PTPRG: variants seen among roughly 807,000 people sequenced by gnomAD.
PTPRG encodes the protein protein tyrosine phosphatase receptor type G.
PTPRG carries 102 observed loss-of-function variants against 165.3 expected under a neutral mutation model. The observed-to-expected ratio is 0.62, with a 90% CI of 0.53 to 0.73. PTPRG has a LOEUF of 0.73. PTPRG is among the 30% of genes least tolerant of loss of function. PTPRG has a pLI of 0.00. For missense variants in PTPRG, 1,866 were observed against 1,861.4 expected, an observed-to-expected ratio of 1.00 and a Z score of -0.05; for synonymous variants, 675 against 669.5, an observed-to-expected ratio of 1.01 and a Z score of -0.13.
rs914223333 is a variant in PTPRG, at chr3:61,583,630, C to G, written c.85+21258C>G. 7.9e-5 allele frequency among the ~76,000 whole-genome samples: 12 copies of G among 152,174 alleles called. 1 individual carries two copies. Among genetic ancestry groups the G allele is most frequent in the Admixed American group, 7.9e-4 (12 of 15,272 alleles). On this transcript the variant is annotated intron_variant, in intron 1 of 29. Coordinates refer to ENST00000474889, the MANE Select transcript of PTPRG (RefSeq NM_002841.4). ...CTCTCTGTGTTCTTGATGGGATCAT[C>G]TGCTGATTAAGGAGCTCTGTCCACA...
At chr3:61,920,399 T>C (rs894071754) in intron 2 of PTPRG, among the ~76,000 whole-genome samples, 5 of 152,172 alleles carry the variant, frequency 3.3e-5, no homozygotes, top group Non-Finnish European at 5.9e-5. Context: ...TAAGACTTTT[T>C]TTATTTTTTA....
chr3:61,801,688 C>G (rs1056447885), intron 2 of PTPRG, among the ~76,000 whole-genome samples: 4 of 152,136 alleles, frequency 2.6e-5, no homozygotes, highest in Non-Finnish European at 4.4e-5. Flanking sequence ...TTTCTGGGCT[C>G]TGCCATCCAT....
intron 4 of PTPRG, among the ~76,000 whole-genome samples, chr3:62,030,946 C>T (rs549747586): frequency 5.2e-4 from 79 of 152,156 alleles, no homozygotes; most frequent in Non-Finnish European, 8.8e-4. Flanking sequence ...ATATCCAAGA[C>T]ACAATTTGTT....
chr3:61,719,135 G>T (rs1057081295), intron 1 of PTPRG, among the ~76,000 whole-genome samples: 5 of 152,186 alleles, frequency 3.3e-5, no homozygotes. Flanking sequence ...ATGAGACATT[G>T]TATTGCTTTG....
chr3:61,702,129 C>G (rs527934093), intron 1 of PTPRG, among the ~76,000 whole-genome samples: 1 of 152,200 alleles, frequency 6.6e-6, no homozygotes, highest in African/African-American at 2.4e-5. Flanking sequence ...TAGGCGAGCA[C>G]CACCACACCT....
intron 4 of PTPRG, among the ~76,000 whole-genome samples, chr3:62,016,948 T>C (rs1028598475): frequency 3.9e-5 from 6 of 152,246 alleles, no homozygotes; most frequent in Admixed American, 1.3e-4. Context: ...TACCCAGTTT[T>C]ATTTTCTTCA....
chr3:61,951,397 G>C (rs1256034462), intron 2 of PTPRG, among the ~76,000 whole-genome samples: 1 of 152,116 alleles, frequency 6.6e-6, no homozygotes, highest in Admixed American at 6.5e-5. Flanking sequence ...GTGTTTCTTT[G>C]ACCTCTGGTA....
At chr3:62,119,493 A>G (rs1483559422) in intron 5 of PTPRG, among the ~76,000 whole-genome samples, 1 of 152,242 alleles carries the variant, frequency 6.6e-6, no homozygotes, top group Non-Finnish European at 1.5e-5. Context: ...AGGAAGAGGA[A>G]GGAGGCCCTG....
chr3:62,171,922 CCCTT>C (rs1705232472), intron 8 of PTPRG, among the ~76,000 whole-genome samples: 1 of 152,170 alleles, frequency 6.6e-6, no homozygotes, highest in Admixed American at 6.5e-5. Context: ...GTCCCTCCCT[CCCTT>C]CCTCCAGGGC....
intron 2 of PTPRG, among the ~76,000 whole-genome samples, chr3:61,969,380 A>G (rs755381371): frequency 6.6e-6 from 1 of 152,230 alleles, no homozygotes. Context: ...AGTATAACAA[A>G]TAATTTGTGA....
intron 5 of PTPRG, among the ~76,000 whole-genome samples, chr3:62,092,358 T>G (rs1319412136): frequency 6.8e-6 from 1 of 147,150 alleles, no homozygotes; most frequent in Admixed American, 6.9e-5. Context: ...GAGAATCGCT[T>G]GAACCCAGGA....
At chr3:61,849,530 G>T (rs972693053) in intron 2 of PTPRG, among the ~76,000 whole-genome samples, 1 of 152,180 alleles carries the variant, frequency 6.6e-6, no homozygotes, top group Non-Finnish European at 1.5e-5. Flanking sequence ...TGAGATTTAC[G>T]CTCGCTGACT....
At chr3:62,198,446 A>G (rs189206685) in intron 10 of PTPRG, among the ~76,000 whole-genome samples, 8 of 152,336 alleles carry the variant, frequency 5.3e-5, no homozygotes, top group African/African-American at 1.9e-4. Flanking sequence ...AAAGGTTGAA[A>G]ATATTGATGA....
intron 1 of PTPRG, among the ~76,000 whole-genome samples, chr3:61,649,769 G>A (rs1400319527): frequency 2.6e-5 from 4 of 152,198 alleles, no homozygotes; most frequent in African/African-American, 7.2e-5. Context: ...ATAGGTTGTC[G>A]TATAGATGCA....
At chr3:62,013,949 C>T (rs1347772194) in intron 4 of PTPRG, among the ~76,000 whole-genome samples, 3 of 152,234 alleles carry the variant, frequency 2.0e-5, no homozygotes, top group East Asian at 3.9e-4. Context: ...GTAGAGACTT[C>T]AGGCCGCCAG....
At chr3:61,737,637 G>A (rs997041732) in intron 1 of PTPRG, among the ~76,000 whole-genome samples, 11 of 151,910 alleles carry the variant, frequency 7.2e-5, no homozygotes, top group South Asian at 2.1e-4. Flanking sequence ...GGTTTTACTC[G>A]GGGGAGAGTT....
chr3:61,834,421 T>A (rs973560635), intron 2 of PTPRG, among the ~76,000 whole-genome samples: 1 of 152,204 alleles, frequency 6.6e-6, no homozygotes, highest in Non-Finnish European at 1.5e-5. Flanking sequence ...TCTAGCCAGG[T>A]ACAGTGGCAT....
At chr3:61,622,239 G>A (rs1165420127) in intron 1 of PTPRG, among the ~76,000 whole-genome samples, 1 of 152,102 alleles carries the variant, frequency 6.6e-6, no homozygotes, top group Non-Finnish European at 1.5e-5. Context: ...TAGTTGTCAG[G>A]TAAAAAGACA....
At chr3:62,231,379 T>C in intron 14 of PTPRG, 68 bp downstream of exon 14, 1 of 1,352,766 alleles carries the variant, frequency 7.4e-7, no homozygotes, top group Non-Finnish European at 9.9e-7. Context: ...AATTTTTGTT[T>C]TGTTGCCATG....
Sources: gnomAD v4.1 joint callset for allele counts (sites outside exome capture counted in the v4.1 genomes callset) on GRCh38, gnomAD v4.1.1 for gene constraint, MANE v1.5 for transcripts, NCBI Gene and HGNC (gene_info 2026-07-23, HGNC 2026-07-21) for gene names.